Variants in SLC23A2 observed in about 807,000 individuals in gnomAD.
SLC23A2 encodes the protein solute carrier family 23 member 2.
A neutral mutation model predicts 73.3 loss-of-function variants in SLC23A2; 36 were observed. That is an observed-to-expected ratio of 0.49 (90% CI 0.38 to 0.65). SLC23A2 has a LOEUF of 0.65. Ranked by LOEUF, SLC23A2 falls within the 30% of genes least tolerant of loss-of-function variation. The pLI, the probability that SLC23A2 is intolerant of heterozygous loss-of-function variation, is 0.00. For missense variants in SLC23A2, 507 were observed against 841.6 expected, an observed-to-expected ratio of 0.60 and a Z score of 4.92; for synonymous variants, 343 against 327.3, an observed-to-expected ratio of 1.05 and a Z score of -0.52.
At chr20:4,936,697 C>T (rs1393002218) in intron 2 of SLC23A2, among the ~76,000 whole-genome samples, 1 of 152,156 alleles carries the variant, frequency 6.6e-6, no homozygotes, top group Non-Finnish European at 1.5e-5. Context: ...CCCTCCCCAC[C>T]GTCCCCAGCG....
At chr20:4,870,269 T>C (rs559776094) in intron 11 of SLC23A2, among the ~76,000 whole-genome samples, 1 of 152,306 alleles carries the variant, frequency 6.6e-6, no homozygotes, top group South Asian at 2.1e-4. Flanking sequence ...TGATGTGCAC[T>C]GTGTCTTTAA....
chr20:4,864,958 G>A (rs1930132982), intron 13 of SLC23A2, among the ~76,000 whole-genome samples: 1 of 152,222 alleles, frequency 6.6e-6, no homozygotes, highest in South Asian at 2.1e-4. Context: ...TGCCTTTGAT[G>A]CTGTCAACAA....
intron 10 of SLC23A2, 38 bp downstream of exon 10, chr20:4,874,538 G>C (rs201706373): frequency 6.4e-7 from 1 of 1,565,904 alleles, no homozygotes; most frequent in African/African-American, 1.4e-5. Flanking sequence ...ATTAACCAAG[G>C]GCAAAAATGT....
intron 1 of SLC23A2, among the ~76,000 whole-genome samples, chr20:4,978,269 T>C (rs2087675180): frequency 6.6e-6 from 1 of 152,218 alleles, no homozygotes; most frequent in Admixed American, 6.5e-5. Flanking sequence ...GGTTCTATTT[T>C]TCCCTTCATA....
At chr20:4,966,035 T>C (rs1207282286) in intron 2 of SLC23A2, among the ~76,000 whole-genome samples, 5 of 149,812 alleles carry the variant, frequency 3.3e-5, no homozygotes, top group African/African-American at 1.2e-4. Flanking sequence ...ACCACCATAC[T>C]CCAGCTTGGA....
rs373169743 is a variant in SLC23A2 at position 4,982,123 on chromosome 20, T to C, written c.-281-11204A>G. Among the ~76,000 whole-genome samples the C allele has an allele frequency of 8.8e-4, 134 of 152,198 alleles. 1 individual carries two copies. The highest frequency in any genetic ancestry group is 8.1e-3 in the South Asian group (39 of 4,818). ...CATTCTCCTGTCTCAGACTCCCCAGTAGCTGGGATTACAGGCGTGTATCAC... is the reference window on the plus strand; with the variant it reads ...CATTCTCCTGTCTCAGACTCCCCAGCAGCTGGGATTACAGGCGTGTATCAC... On this transcript the variant is annotated intron_variant, in intron 1 of 16. Coordinates refer to ENST00000338244, the MANE Select transcript of SLC23A2 (RefSeq NM_005116.6).
At chr20:4,973,556 A>G (rs2087597587) in intron 1 of SLC23A2, among the ~76,000 whole-genome samples, 1 of 152,204 alleles carries the variant, frequency 6.6e-6, no homozygotes, top group African/African-American at 2.4e-5. Context: ...CATTTTTGAG[A>G]AAGGAATCTC....
intron 13 of SLC23A2, among the ~76,000 whole-genome samples, chr20:4,867,553 T>C (rs943380370): frequency 7.0e-6 from 1 of 143,094 alleles, no homozygotes; most frequent in South Asian, 2.2e-4. Context: ...CATGATGGAA[T>C]GACAGCACTG....
intron 4 of SLC23A2, among the ~76,000 whole-genome samples, chr20:4,906,199 G>A (rs916149041): frequency 6.6e-6 from 1 of 152,156 alleles, no homozygotes; most frequent in Non-Finnish European, 1.5e-5. Flanking sequence ...AAATTAGCTG[G>A]GTGTGGTGGC....
chr20:4,859,037 G>A (rs368734081), intron 16 of SLC23A2, among the ~76,000 whole-genome samples: 5 of 152,278 alleles, frequency 3.3e-5, no homozygotes, highest in East Asian at 3.9e-4. Context: ...CTCACCAAAC[G>A]CAGCGAACTC....
chr20:4,929,795 T>G (rs944620405), intron 3 of SLC23A2, among the ~76,000 whole-genome samples: 17 of 152,234 alleles, frequency 1.1e-4, no homozygotes, highest in South Asian at 2.1e-4. Context: ...ACTGAAGGAC[T>G]CATCCAGAAG....
intron 1 of SLC23A2, among the ~76,000 whole-genome samples, chr20:4,981,852 C>T (rs1294365483): frequency 1.3e-5 from 2 of 151,988 alleles, no homozygotes; most frequent in African/African-American, 4.8e-5. Flanking sequence ...GAGGTGCATG[C>T]CACCATGCCC....
intron 2 of SLC23A2, among the ~76,000 whole-genome samples, chr20:4,958,957 T>C (rs2122173132): frequency 1.3e-5 from 2 of 152,028 alleles, no homozygotes. Context: ...ATGCCTGTAA[T>C]CCTAGCACTT....
intron 1 of SLC23A2, among the ~76,000 whole-genome samples, chr20:5,009,981 G>T (rs1322641236): frequency 6.6e-6 from 1 of 151,784 alleles, no homozygotes; most frequent in Admixed American, 6.6e-5. Flanking sequence ...TGTAGTCCCA[G>T]CTACTTGGGA....
intron 3 of SLC23A2, among the ~76,000 whole-genome samples, chr20:4,924,245 C>T (rs919095864): frequency 2.6e-5 from 4 of 152,188 alleles, no homozygotes; most frequent in Non-Finnish European, 1.5e-5. Context: ...TCAAAGCTCT[C>T]GGCCACACCT....
chr20:4,952,103 C>CAAAAAAAA (rs57832305), intron 2 of SLC23A2, among the ~76,000 whole-genome samples: 339 of 40,022 alleles, frequency 8.5e-3, no homozygotes, highest in Non-Finnish European at 0.011. Flanking sequence ...GACTCTGACT[C>CAAAAAAAA]AAAAAAAAAA....
intron 15 of SLC23A2, among the ~76,000 whole-genome samples, chr20:4,860,207 A>C (rs6116556): frequency 6.6e-6 from 1 of 152,104 alleles, no homozygotes; most frequent in African/African-American, 2.4e-5. Context: ...GAAATTGCCC[A>C]TACACTAAAA....
intron 2 of SLC23A2, among the ~76,000 whole-genome samples, chr20:4,939,217 C>A (rs2087004916): frequency 6.6e-6 from 1 of 152,228 alleles, no homozygotes; most frequent in South Asian, 2.1e-4. Flanking sequence ...ACCCCTGGTG[C>A]TGAACTTGGC....
intron 1 of SLC23A2, among the ~76,000 whole-genome samples, chr20:4,979,167 C>T (rs2087689030): frequency 6.6e-6 from 1 of 151,828 alleles, no homozygotes; most frequent in Non-Finnish European, 1.5e-5. Flanking sequence ...GTGGCGTGTG[C>T]CTGTAATCCC....
Sources: gnomAD v4.1 joint callset for allele counts (sites outside exome capture counted in the v4.1 genomes callset) on GRCh38, gnomAD v4.1.1 for gene constraint, MANE v1.5 for transcripts, NCBI Gene and HGNC (gene_info 2026-07-23, HGNC 2026-07-21) for gene names.